Variants in GTF3C5 observed in about 807,000 individuals in gnomAD.
GTF3C5 encodes general transcription factor 3C polypeptide 5.
A neutral mutation model predicts 61.0 loss-of-function variants in GTF3C5; 47 were observed. The observed-to-expected ratio is 0.77, with a 90% CI of 0.61 to 0.98. The LOEUF (loss-of-function observed/expected upper bound fraction) is 0.98, where lower values mean the gene tolerates loss of function less well. Among genes scored for constraint, GTF3C5 ranks in the 50% least tolerant of loss-of-function variants. The pLI is 0.00. For synonymous variants in GTF3C5, 295 were observed against 275.4 expected (o/e 1.07, Z -0.71); for missense variants, 659 against 703.3 (o/e 0.94, Z 0.71).
At chr9:133,043,634 ACTC>A in intron 2 of GTF3C5, 91 bp from the exon 3 acceptor site, 1 of 998,166 alleles carries the variant, frequency 1.0e-6, no homozygotes, top group Non-Finnish European at 1.6e-6. Flanking sequence ...CACATGGCCC[ACTC>A]AGCACCTCCC....
chr9:133,044,038 G>A (rs1850125346), intron 3 of GTF3C5, 112 bp downstream of exon 3: 16 of 751,554 alleles, frequency 2.1e-5, no homozygotes, highest in Middle Eastern at 3.9e-4. Flanking sequence ...CCAGCTACTC[G>A]GGAGGCTGAG....
chr9:133,058,175 C>G lies in GTF3C5; in HGVS notation c.*195C>G. 2 of 1,411,918 alleles carry G rather than the reference C, an allele frequency of 1.4e-6. No individual in the cohort carries two copies. Among genetic ancestry groups the G allele is most frequent in the Non-Finnish European group, 1.8e-6 (2 of 1,081,238 alleles). The allele number at this position is 1,411,918 out of a possible 1,614,324, so 87.5% of individuals were successfully genotyped here. On this transcript the variant is annotated 3_prime_UTR_variant, in exon 11 of 11. Transcript: ENST00000372097. ...ATGCTGCTTGGTGCTGCCTCTGGTC[C>G]TGAGGGGTTAGGGACATCCCCAAAG... is the stretch of plus-strand genomic sequence containing the variant.
chr9:133,057,803 T>C lies in GTF3C5; in HGVS notation c.1394-11T>C. Reference sequence around the variant, plus strand: ...ATGGGACACCCATGGCCTTGTCTCCTCCGGCCCCAGCTCTCTTTTCCAGCT... The same window carrying C: ...ATGGGACACCCATGGCCTTGTCTCCCCCGGCCCCAGCTCTCTTTTCCAGCT... On this transcript the variant is annotated splice_polypyrimidine_tract_variant and intron_variant, in intron 10 of 10. Transcript: ENST00000372097. The C allele has an allele frequency of 6.3e-7, 1 of 1,587,146 alleles. No homozygotes were observed. The highest frequency in any genetic ancestry group is 8.6e-7 in the Non-Finnish European group (1 of 1,166,658).
intron 7 of GTF3C5, 98 bp downstream of exon 7, chr9:133,054,586 C>T (rs993746134): frequency 7.0e-7 from 1 of 1,424,296 alleles, no homozygotes; most frequent in African/African-American, 1.4e-5. Flanking sequence ...GGGGTCACTC[C>T]AGGGCTCTGC....
intron 1 of GTF3C5, among the ~76,000 whole-genome samples, chr9:133,035,647 A>T (rs1329934824): frequency 6.6e-6 from 1 of 152,082 alleles, no homozygotes; most frequent in Non-Finnish European, 1.5e-5. Context: ...AGTGGAAGAG[A>T]AGATGGGAAC....
chr9:133,041,299 G>A (rs575348520), intron 1 of GTF3C5, among the ~76,000 whole-genome samples: 21 of 152,304 alleles, frequency 1.4e-4, no homozygotes, highest in African/African-American at 2.9e-4. Flanking sequence ...GCAGTTATCC[G>A]GGGGACTGTC....
chr9:133,031,075 C>T lies in GTF3C5; in HGVS notation c.64C>T (p.Arg22Ter), dbSNP rs1163655155. ...AAVPVELRRE[R>*]RMVCVEYPGV... ...CGTCCCCGTGGAGCTGAGGCGGGAGCGACGCATGGTGTGCGTGGAGTACCC... is the reference window on the plus strand; with the variant it reads ...CGTCCCCGTGGAGCTGAGGCGGGAGTGACGCATGGTGTGCGTGGAGTACCC... Residue 22 changes from arginine (R) to a stop codon, truncating the protein, a stop_gained, in exon 1 of 11, where the codon CGA becomes TGA. Transcript: ENST00000372097. LOFTEE classifies it high-confidence loss of function. 1 of 1,610,358 alleles carries T rather than the reference C, an allele frequency of 6.2e-7. No homozygotes were observed. The highest frequency in any genetic ancestry group is 8.5e-7 in the Non-Finnish European group (1 of 1,178,110).
upstream of GTF3C5, chr9:133,030,861 T>G: frequency 1.2e-6 from 1 of 864,708 alleles, no homozygotes; most frequent in South Asian, 1.4e-5. Context: ...ATTTGCTCCC[T>G]GGAGGCCCTC....
chr9:133,030,987 GGCGGGCCC>G (rs775479885), upstream of GTF3C5: 57 of 1,611,642 alleles, frequency 3.5e-5, no homozygotes, highest in Non-Finnish European at 4.6e-5. Flanking sequence ...GACGGACCCT[GGCGGGCCC>G]TGCCAGACGC....
chr9:133,055,898 G>A lies in GTF3C5; in HGVS notation c.1168-114G>A, dbSNP rs1829923400. ...CAGCCTGTCTGCCCAACCTGCTCCT[G>A]GTGACCAGCCAGCTCCCTGGAGAGA... is the stretch of plus-strand genomic sequence containing the variant. On this transcript the variant is annotated intron_variant, in intron 8 of 10. Coordinates refer to ENST00000372097, the MANE Select transcript of GTF3C5 (RefSeq NM_012087.4). 1.5e-5 allele frequency: 23 copies of A among 1,489,216 alleles called. No individual in the cohort carries two copies. In the South Asian group the frequency reaches 2.4e-4, roughly 16 times the overall value. 92.3% of individuals were successfully genotyped at this position (1,489,216 alleles called of 1,614,324 possible). A position where few individuals can be genotyped will look rare whatever the true frequency, so the allele number is the denominator to read the frequency against.
chr9:133,054,364 G>A (rs770762066), intron 6 of GTF3C5, 44 bp from the exon 7 acceptor site: 15 of 1,515,714 alleles, frequency 9.9e-6, no homozygotes, highest in South Asian at 3.4e-5. Flanking sequence ...GTGTGCCGAC[G>A]GGCCCTGTGC....
intron 1 of GTF3C5, among the ~76,000 whole-genome samples, chr9:133,034,206 A>C (rs1266393050): frequency 1.3e-5 from 2 of 152,102 alleles, no homozygotes; most frequent in African/African-American, 4.8e-5. Flanking sequence ...GAGTTTCCGC[A>C]ACTTATTTAA....
chr9:133,039,342 C>T lies in GTF3C5; in HGVS notation c.154-2745C>T, dbSNP rs186175472. Among the ~76,000 whole-genome samples, 35 of 152,292 alleles carry T rather than the reference C, an allele frequency of 2.3e-4. 1 individual carries two copies. Among genetic ancestry groups the T allele is most frequent in the African/African-American group, 8.4e-4 (35 of 41,554 alleles). On this transcript the variant is annotated intron_variant, in intron 1 of 10. Coordinates refer to ENST00000372097, the MANE Select transcript of GTF3C5 (RefSeq NM_012087.4). ...ATTTACTGTCTCTCGTCCTCTTGAC[C>T]CTAAGACTGTCAACTCCATGAGAGT...
intron 5 of GTF3C5, 130 bp from the exon 6 acceptor site, chr9:133,053,698 G>T: frequency 1.8e-6 from 1 of 562,586 alleles, no homozygotes; most frequent in Admixed American, 3.2e-5. Context: ...GCATGTGGCA[G>T]AGCAGGGCTG....
At chr9:133,055,278 C>T (rs780683211) in intron 8 of GTF3C5, 3 of 1,429,958 alleles carry the variant, frequency 2.1e-6, no homozygotes, top group South Asian at 2.4e-5. Flanking sequence ...CACATTCAGG[C>T]TCCCGCAAGC....
intron 8 of GTF3C5, chr9:133,055,363 C>T (rs773439048): frequency 1.5e-5 from 20 of 1,322,884 alleles, no homozygotes; most frequent in East Asian, 4.9e-5. Flanking sequence ...GAGTGGGTGG[C>T]AGAGATGAGT....
intron 1 of GTF3C5, among the ~76,000 whole-genome samples, chr9:133,034,051 C>A (rs1336569198): frequency 6.6e-6 from 1 of 152,150 alleles, no homozygotes; most frequent in Non-Finnish European, 1.5e-5. Context: ...CGTCCTGTAA[C>A]ATCTGCTCCT....
At chr9:133,053,968 C>T (rs757739830) in intron 6 of GTF3C5, 26 bp downstream of exon 6, 2 of 1,323,880 alleles carry the variant, frequency 1.5e-6, no homozygotes, top group Non-Finnish European at 2.2e-6. Context: ...AGCTTTGCTT[C>T]CTGCCTTTCT....
intron 1 of GTF3C5, among the ~76,000 whole-genome samples, chr9:133,034,912 C>T (rs1311949876): frequency 1.3e-5 from 2 of 152,118 alleles, no homozygotes; most frequent in African/African-American, 4.8e-5. Flanking sequence ...GGGGATAAGC[C>T]AACATCTTTC....
Sources: allele counts gnomAD v4.1 joint callset (sites outside exome capture counted in the v4.1 genomes callset), GRCh38; gene constraint gnomAD v4.1.1; transcripts MANE v1.5; gene names NCBI Gene and HGNC (gene_info 2026-07-23, HGNC 2026-07-21).